RGS6: variants seen among roughly 807,000 people sequenced by gnomAD.
The protein encoded by RGS6 is regulator of G-protein signaling 6.
A neutral mutation model predicts 78.5 loss-of-function variants in RGS6; 30 were observed. The observed-to-expected ratio is 0.38, with a 90% CI of 0.29 to 0.52. The LOEUF (loss-of-function observed/expected upper bound fraction) is 0.52, where lower values mean the gene tolerates loss of function less well. RGS6 is among the 20% of genes least tolerant of loss of function. RGS6 has a pLI of 0.85. For synonymous variants in RGS6, 206 were observed against 206.0 expected, an observed-to-expected ratio of 1.00 and a Z score of 0.00; for missense variants, 495 against 609.7, an observed-to-expected ratio of 0.81 and a Z score of 1.98.
intron 2 of RGS6, among the ~76,000 whole-genome samples, chr14:72,271,764 G>A (rs1168066391): frequency 1.3e-5 from 2 of 152,158 alleles, no homozygotes; most frequent in Non-Finnish European, 2.9e-5. Flanking sequence ...CTAAAAGCAA[G>A]GGGTGACAGG....
At chr14:72,310,301 G>T (rs924860897) in intron 2 of RGS6, among the ~76,000 whole-genome samples, 11 of 152,220 alleles carry the variant, frequency 7.2e-5, no homozygotes, top group African/African-American at 2.7e-4. Flanking sequence ...CTTGAGGAGG[G>T]TTTGTTTCTC....
chr14:71,964,869 C>T lies in RGS6; in HGVS notation c.78C>T (p.Tyr26=). ...PEESSPNMIV[Y]CKIEDIITKM... ...AGAGTTCTCCAAACATGATCGTTTA[C>T]TGCAAAGTAAGGCGCCTGGTCAAGT... is the stretch of plus-strand genomic sequence containing the variant. Residue 26 remains tyrosine, a synonymous_variant, in exon 2 of 18, where the codon TAC becomes TAT. Coordinates refer to ENST00000553525, the MANE Select transcript of RGS6 (RefSeq NM_001204424.2). 1 of 1,613,592 alleles carries T rather than the reference C, an allele frequency of 6.2e-7. No homozygotes were observed. The highest frequency in any genetic ancestry group is 8.5e-7 in the Non-Finnish European group (1 of 1,179,702).
chr14:71,951,617 G>C (rs2092327083), intron 1 of RGS6, among the ~76,000 whole-genome samples: 1 of 152,058 alleles, frequency 6.6e-6, no homozygotes, highest in Non-Finnish European at 1.5e-5. Context: ...TTGCATTACT[G>C]TATAAATTTT....
intron 2 of RGS6, among the ~76,000 whole-genome samples, chr14:72,133,735 T>A (rs115906921): frequency 1.1e-4 from 17 of 152,250 alleles, no homozygotes; most frequent in African/African-American, 3.6e-4. Context: ...TGAATGTGCC[T>A]GGCTGCTCTG....
At chr14:72,097,032 C>T (rs765041536) in intron 2 of RGS6, among the ~76,000 whole-genome samples, 29 of 152,188 alleles carry the variant, frequency 1.9e-4, no homozygotes, top group Non-Finnish European at 3.7e-4. Context: ...AGTTGCCATT[C>T]TAGTACCCTC....
intron 2 of RGS6, among the ~76,000 whole-genome samples, chr14:72,143,023 C>T (rs2096561190): frequency 1.3e-5 from 2 of 152,122 alleles, no homozygotes; most frequent in Non-Finnish European, 2.9e-5. Context: ...GGAAATCACC[C>T]TCAATGACCA....
chr14:72,431,168 G>T (rs770868095), intron 3 of RGS6, among the ~76,000 whole-genome samples: 4 of 152,190 alleles, frequency 2.6e-5, no homozygotes, highest in Non-Finnish European at 5.9e-5. Flanking sequence ...TGGGTATGAG[G>T]ATTCTTTAGG....
the RGS6 span, among the ~76,000 whole-genome samples, chr14:71,927,083 G>A: frequency 1.3e-5 from 2 of 152,226 alleles, no homozygotes; most frequent in South Asian, 2.1e-4. Context: ...GGAAGGCAGT[G>A]GATGAGAGTG....
At chr14:72,408,480 CT>C (rs1261641671) in intron 3 of RGS6, among the ~76,000 whole-genome samples, 1 of 152,192 alleles carries the variant, frequency 6.6e-6, no homozygotes, top group East Asian at 1.9e-4. Flanking sequence ...CATCACTTGA[CT>C]TTAAATGTTT....
chr14:72,516,413 GC>G (rs2096943616), intron 14 of RGS6, among the ~76,000 whole-genome samples: 2 of 152,156 alleles, frequency 1.3e-5, no homozygotes, highest in Admixed American at 1.3e-4. Flanking sequence ...CTCCTTTCAA[GC>G]CCTTCCTTCC....
chr14:72,014,824 C>T (rs905213209), intron 2 of RGS6, among the ~76,000 whole-genome samples: 7 of 152,144 alleles, frequency 4.6e-5, no homozygotes, highest in East Asian at 1.9e-4. Flanking sequence ...AAACACCCCC[C>T]GCTTCCCTCC....
chr14:72,621,658 G>C, the RGS6 span, among the ~76,000 whole-genome samples: 2 of 152,176 alleles, frequency 1.3e-5, no homozygotes, highest in African/African-American at 2.4e-5. Context: ...GTGGGGGAGA[G>C]GTTCATTCAA....
intron 3 of RGS6, among the ~76,000 whole-genome samples, chr14:72,364,022 A>AAAAAAAC (rs2082012914): frequency 6.6e-6 from 1 of 150,692 alleles, no homozygotes; most frequent in Non-Finnish European, 1.5e-5. Context: ...AAAAAAAAAA[A>AAAAAAAC]AAAACTCTAT....
intron 2 of RGS6, among the ~76,000 whole-genome samples, chr14:72,174,685 A>G (rs2097080436): frequency 6.6e-6 from 1 of 152,098 alleles, no homozygotes; most frequent in African/African-American, 2.4e-5. Flanking sequence ...ACCTCCTGCA[A>G]GCTAGGAGCC....
At chr14:72,437,746 T>G (rs1172102657) in intron 3 of RGS6, among the ~76,000 whole-genome samples, 1 of 152,192 alleles carries the variant, frequency 6.6e-6, no homozygotes, top group Non-Finnish European at 1.5e-5. Context: ...GAAAGATGCC[T>G]GGCTCTGATG....
At chr14:72,587,889 CCT>C in the RGS6 span, among the ~76,000 whole-genome samples, 11 of 152,212 alleles carry the variant, frequency 7.2e-5, no homozygotes, top group African/African-American at 2.7e-4. Flanking sequence ...CTTCACAAAT[CCT>C]GCAGCTTTGA....
intron 2 of RGS6, among the ~76,000 whole-genome samples, chr14:72,316,314 G>C (rs895609159): frequency 5.9e-5 from 9 of 152,030 alleles, no homozygotes; most frequent in Non-Finnish European, 7.4e-5. Flanking sequence ...GTATACATGT[G>C]CCATGTTGGT....
chr14:72,271,680 A>G (rs1181671818), intron 2 of RGS6, among the ~76,000 whole-genome samples: 1 of 152,254 alleles, frequency 6.6e-6, no homozygotes, highest in Non-Finnish European at 1.5e-5. Context: ...ACAAATTACC[A>G]CAAGCTTAAT....
At chr14:72,311,461 CG>C (rs2068590107) in intron 2 of RGS6, among the ~76,000 whole-genome samples, 1 of 151,644 alleles carries the variant, frequency 6.6e-6, no homozygotes. Flanking sequence ...GATAATCCTA[CG>C]GCTGAAGGTT....
Sources: gnomAD v4.1 joint callset for allele counts (sites outside exome capture counted in the v4.1 genomes callset) on GRCh38, gnomAD v4.1.1 for gene constraint, MANE v1.5 for transcripts, NCBI Gene and HGNC (gene_info 2026-07-23, HGNC 2026-07-21) for gene names.